ARHGAP24: variants seen among roughly 807,000 people sequenced by gnomAD.
ARHGAP24 encodes rho GTPase-activating protein 24.
A neutral mutation model predicts 76.4 loss-of-function variants in ARHGAP24; 50 were observed. That is an observed-to-expected ratio of 0.65 (90% CI 0.52 to 0.83). ARHGAP24 has a LOEUF of 0.83. ARHGAP24 is among the 40% of genes least tolerant of loss of function. The probability of loss-of-function intolerance (pLI) is 0.00; values close to 1 mark genes in which losing one functional copy is unlikely to be tolerated. For synonymous variants in ARHGAP24, 345 were observed against 323.3 expected, an observed-to-expected ratio of 1.07 and a Z score of -0.72; for missense variants, 930 against 914.2, an observed-to-expected ratio of 1.02 and a Z score of -0.22.
At chr4:85,668,937 G>T (rs1204899068) in intron 2 of ARHGAP24, among the ~76,000 whole-genome samples, 2 of 152,206 alleles carry the variant, frequency 1.3e-5, no homozygotes, top group African/African-American at 4.8e-5. Context: ...AGACAGGAGA[G>T]TCTGAACTAA....
intron 2 of ARHGAP24, among the ~76,000 whole-genome samples, chr4:85,641,295 A>G (rs1353464411): frequency 1.3e-5 from 2 of 152,158 alleles, no homozygotes; most frequent in South Asian, 4.1e-4. Context: ...ATTCTTTTGC[A>G]TATGAATGCA....
In ARHGAP24 at chr4:85,667,615, G is replaced by A. The variant is rs576855909; in HGVS notation, c.181-54270G>A. On this transcript the variant is annotated intron_variant, in intron 2 of 9. Transcript: ENST00000395184. Reference sequence around the variant, plus strand: ...TCGCTCACGCTGGGAGCTGTAGACCGGAGCTGTTCCTATTCGGCCATCTTG... The same window carrying A: ...TCGCTCACGCTGGGAGCTGTAGACCAGAGCTGTTCCTATTCGGCCATCTTG... Among the ~76,000 whole-genome samples the A allele has an allele frequency of 2.3e-4, 35 of 152,292 alleles. No individual in the cohort carries two copies. The South Asian group carries it at 5.8e-3, about 25-fold the overall frequency.
At chr4:85,964,491 G>A (rs1056780474) in intron 5 of ARHGAP24, among the ~76,000 whole-genome samples, 2 of 151,942 alleles carry the variant, frequency 1.3e-5, no homozygotes, top group Non-Finnish European at 2.9e-5. Flanking sequence ...AGAGTGTGCA[G>A]GTTATCCAGG....
At chr4:85,831,995 G>T (rs1405769348) in intron 3 of ARHGAP24, among the ~76,000 whole-genome samples, 2 of 151,862 alleles carry the variant, frequency 1.3e-5, no homozygotes, top group Admixed American at 6.6e-5. Flanking sequence ...TTCAGGAATT[G>T]TGGGGCCAAT....
chr4:85,677,179 T>A, intron 2 of ARHGAP24, among the ~76,000 whole-genome samples: 1 of 152,264 alleles, frequency 6.6e-6, no homozygotes, highest in East Asian at 1.9e-4. Context: ...AAGCCATTGC[T>A]TTTCCTTTTG....
intron 1 of ARHGAP24, among the ~76,000 whole-genome samples, chr4:85,565,633 G>A (rs530628733): frequency 2.4e-4 from 37 of 152,104 alleles, no homozygotes; most frequent in Non-Finnish European, 3.8e-4. Flanking sequence ...CATTGTGGTG[G>A]AATTGCCTGT....
At chr4:85,479,166 T>A (rs1423375247) in intron 1 of ARHGAP24, among the ~76,000 whole-genome samples, 1 of 152,226 alleles carries the variant, frequency 6.6e-6, no homozygotes, top group Non-Finnish European at 1.5e-5. Context: ...ATTTTCCAAA[T>A]ATAACAATGC....
intron 3 of ARHGAP24, among the ~76,000 whole-genome samples, chr4:85,835,520 C>A (rs1179267360): frequency 7.8e-5 from 11 of 140,508 alleles, no homozygotes; most frequent in Admixed American, 2.9e-4. Flanking sequence ...CGCGCCACTG[C>A]ACTCCAGCCT....
At chr4:85,576,704 T>C (rs1462143559) in intron 2 of ARHGAP24, among the ~76,000 whole-genome samples, 2 of 152,164 alleles carry the variant, frequency 1.3e-5, no homozygotes, top group African/African-American at 4.8e-5. Context: ...TCTTAGCACT[T>C]TCCTAGAAAT....
chr4:85,620,003 G>A (rs1472815326), intron 2 of ARHGAP24, among the ~76,000 whole-genome samples: 1 of 151,796 alleles, frequency 6.6e-6, no homozygotes, highest in African/African-American at 2.4e-5. Context: ...TGAATGCCAG[G>A]TAGAAATCCC....
At chr4:85,652,087 C>G (rs1721966968) in intron 2 of ARHGAP24, among the ~76,000 whole-genome samples, 1 of 152,042 alleles carries the variant, frequency 6.6e-6, no homozygotes, top group Non-Finnish European at 1.5e-5. Flanking sequence ...TATAGCAAAG[C>G]AAGACTTTAT....
intron 2 of ARHGAP24, among the ~76,000 whole-genome samples, chr4:85,719,319 G>T (rs368693399): frequency 6.6e-6 from 1 of 152,212 alleles, no homozygotes; most frequent in Admixed American, 6.6e-5. Context: ...GCAGGAAAAG[G>T]TACTTCCTGG....
At chr4:85,743,548 A>C (rs2110061965) in intron 3 of ARHGAP24, among the ~76,000 whole-genome samples, 1 of 152,108 alleles carries the variant, frequency 6.6e-6, no homozygotes, top group East Asian at 1.9e-4. Flanking sequence ...AGCCTACGTG[A>C]CAGGGCGAGA....
chr4:85,713,137 A>C (rs1724589925), intron 2 of ARHGAP24, among the ~76,000 whole-genome samples: 1 of 152,204 alleles, frequency 6.6e-6, no homozygotes, highest in South Asian at 2.1e-4. Context: ...ATCTCTACAA[A>C]AAATTTAAAA....
rs147015221 is a variant in ARHGAP24, at chr4:85,953,937, C to T, written c.599+11664C>T. 3.1e-3 allele frequency among the ~76,000 whole-genome samples: 477 copies of T among 152,154 alleles called. 3 individuals carry two copies. The highest frequency in any genetic ancestry group is 0.014 in the Middle Eastern group (4 of 294). On this transcript the variant is annotated intron_variant, in intron 5 of 9. Transcript: ENST00000395184. ...CAAAAAGCTGGGGCCAGTGAGGCAA[C>T]AGAGATCACTCTGACTGAGAGTTGG...
intron 2 of ARHGAP24, among the ~76,000 whole-genome samples, chr4:85,610,580 A>G (rs1720350472): frequency 6.6e-6 from 1 of 151,994 alleles, no homozygotes; most frequent in African/African-American, 2.4e-5. Context: ...GAAATGGGTG[A>G]AGCTGAGTTG....
At chr4:85,809,409 A>G (rs1728919437) in intron 3 of ARHGAP24, among the ~76,000 whole-genome samples, 1 of 152,242 alleles carries the variant, frequency 6.6e-6, no homozygotes, top group African/African-American at 2.4e-5. Context: ...CAGAGTCAGC[A>G]AATGAATTAT....
chr4:85,865,253 G>A (rs1287390873), intron 3 of ARHGAP24, among the ~76,000 whole-genome samples: 2 of 151,706 alleles, frequency 1.3e-5, no homozygotes, highest in Admixed American at 6.6e-5. Flanking sequence ...GATTTTCTAG[G>A]TTAATGATTA....
At chr4:85,883,529 G>T (rs1313042696) in intron 3 of ARHGAP24, among the ~76,000 whole-genome samples, 1 of 152,172 alleles carries the variant, frequency 6.6e-6, no homozygotes, top group Non-Finnish European at 1.5e-5. Context: ...ATCCAGTTCT[G>T]CATGTGCAGG....
Sources: allele counts gnomAD v4.1 joint callset (sites outside exome capture counted in the v4.1 genomes callset), GRCh38; gene constraint gnomAD v4.1.1; transcripts MANE v1.5; gene names NCBI Gene and HGNC (gene_info 2026-07-23, HGNC 2026-07-21).